GNA14: variants seen among roughly 807,000 people sequenced by gnomAD.
GNA14 encodes guanine nucleotide-binding protein subunit alpha-14.
Under a neutral mutation model 42.0 loss-of-function variants are expected in GNA14, and 50 were observed. The ratio of observed to expected loss-of-function variants is 1.19; its 90% CI spans 0.95 to 1.51. The LOEUF (loss-of-function observed/expected upper bound fraction) is 1.51, where lower values mean the gene tolerates loss of function less well. Ranked by LOEUF, GNA14 falls within the 40% of genes most tolerant of loss-of-function variation. GNA14 has a pLI of 0.00. For synonymous variants in GNA14, 173 were observed against 163.1 expected, an observed-to-expected ratio of 1.06 and a Z score of -0.46; for missense variants, 473 against 446.2, an observed-to-expected ratio of 1.06 and a Z score of -0.54.
intron 1 of GNA14, among the ~76,000 whole-genome samples, chr9:77,605,188 C>A (rs982289876): frequency 2.6e-5 from 4 of 152,220 alleles, no homozygotes; most frequent in Non-Finnish European, 5.9e-5. Flanking sequence ...AGCAGTGCTT[C>A]TTTATTGTCC....
intron 1 of GNA14, among the ~76,000 whole-genome samples, chr9:77,548,807 G>A (rs1207268737): frequency 6.6e-6 from 1 of 152,168 alleles, no homozygotes; most frequent in Non-Finnish European, 1.5e-5. Context: ...TTAAGCTTCT[G>A]CACCCATGTG....
At chr9:77,468,836 G>A (rs544919573) in intron 2 of GNA14, among the ~76,000 whole-genome samples, 3 of 152,314 alleles carry the variant, frequency 2.0e-5, no homozygotes, top group Admixed American at 1.3e-4. Context: ...GACATGTTGC[G>A]TGAGCAAGAA....
At chr9:77,580,567 A>G (rs962047135) in intron 1 of GNA14, 20 of 504,774 alleles carry the variant, frequency 4.0e-5, no homozygotes, top group African/African-American at 3.5e-4. Context: ...ATTAAAGAAT[A>G]TCAGTGAAGC....
intron 2 of GNA14, among the ~76,000 whole-genome samples, chr9:77,522,038 T>C (rs1359854448): frequency 1.3e-5 from 2 of 152,186 alleles, no homozygotes; most frequent in Non-Finnish European, 2.9e-5. Context: ...GGCTTCACCA[T>C]GTTGGCCAGG....
At chr9:77,529,709 G>C (rs1239426700) in intron 1 of GNA14, among the ~76,000 whole-genome samples, 3 of 152,164 alleles carry the variant, frequency 2.0e-5, no homozygotes, top group Non-Finnish European at 4.4e-5. Flanking sequence ...CCATTTCCCA[G>C]AGGTGCCAAA....
At chr9:77,510,605 A>G (rs902143756) in intron 2 of GNA14, among the ~76,000 whole-genome samples, 1 of 152,234 alleles carries the variant, frequency 6.6e-6, no homozygotes, top group Admixed American at 6.5e-5. Flanking sequence ...AGTACCCCAC[A>G]GTCCTTCCTG....
intron 2 of GNA14, among the ~76,000 whole-genome samples, chr9:77,488,784 T>TAAAAAAAAAAAAAAAAAAAA (rs67416479): frequency 9.3e-5 from 5 of 53,684 alleles, no homozygotes; most frequent in East Asian, 6.2e-4. Flanking sequence ...CACACCTAAT[T>TAAAAAAAAAAAAAAAAAAAA]AAAAAAAAAA....
chr9:77,483,606 A>T (rs564082973), intron 2 of GNA14, among the ~76,000 whole-genome samples: 13 of 152,322 alleles, frequency 8.5e-5, no homozygotes, highest in African/African-American at 3.1e-4. Context: ...GCTGTCACAC[A>T]GGGACATTTA....
At chr9:77,625,318 C>G (rs1823996419) in intron 1 of GNA14, among the ~76,000 whole-genome samples, 1 of 152,082 alleles carries the variant, frequency 6.6e-6, no homozygotes, top group African/African-American at 2.4e-5. Flanking sequence ...AATTGGAAAA[C>G]AGTCTTCAGG....
At position 77,506,101 on chromosome 9, in the gene GNA14, C is replaced by CA. The variant is rs200965790; in HGVS notation, c.309+22967dup. Among the ~76,000 whole-genome samples, 1,335 of 144,008 alleles carry CA rather than the reference C, an allele frequency of 9.3e-3. 7 individuals carry two copies. Among genetic ancestry groups the CA allele is most frequent in the Non-Finnish European group, 0.015 (985 of 65,530 alleles). 94.5% of individuals were successfully genotyped at this position (144,008 alleles called of 152,430 possible). On this transcript the variant is annotated intron_variant, in intron 2 of 6. Transcript: ENST00000341700. ...CCACACAGAGAGACCCCATCCTCTA[C>CA]AAAAAAAAAATAATTAAATCAACAA... is the stretch of plus-strand genomic sequence containing the variant.
intron 2 of GNA14, among the ~76,000 whole-genome samples, chr9:77,480,832 C>T (rs1348101021): frequency 2.0e-5 from 3 of 152,172 alleles, no homozygotes; most frequent in Admixed American, 1.3e-4. Flanking sequence ...AGTTTATTTG[C>T]ATAGAGGTGT....
chr9:77,499,377 T>C (rs1474176733), intron 2 of GNA14, among the ~76,000 whole-genome samples: 3 of 135,446 alleles, frequency 2.2e-5, no homozygotes, highest in Non-Finnish European at 4.6e-5. Context: ...CTTCATAGTT[T>C]ACAAATTGCT....
At chr9:77,526,064 G>C (rs1429186302) in intron 2 of GNA14, among the ~76,000 whole-genome samples, 1 of 148,252 alleles carries the variant, frequency 6.7e-6, no homozygotes, top group East Asian at 2.0e-4. Context: ...ATCACACCCG[G>C]CTAATTTTTG....
chr9:77,483,546 C>T (rs1434223696), intron 2 of GNA14, among the ~76,000 whole-genome samples: 2 of 152,100 alleles, frequency 1.3e-5, no homozygotes, highest in African/African-American at 2.4e-5. Flanking sequence ...GCAGTCTGCC[C>T]GTTCTCAGAT....
intron 1 of GNA14, among the ~76,000 whole-genome samples, chr9:77,646,906 C>T (rs1283551185): frequency 6.6e-6 from 1 of 152,172 alleles, no homozygotes; most frequent in Non-Finnish European, 1.5e-5. Context: ...ACCAAAAGAG[C>T]TGGATGAAGA....
intron 1 of GNA14, among the ~76,000 whole-genome samples, chr9:77,591,408 C>G (rs1427567099): frequency 6.6e-6 from 1 of 152,168 alleles, no homozygotes; most frequent in East Asian, 1.9e-4. Context: ...CTCTCATTCT[C>G]TCTCCCTCTT....
At chr9:77,627,952 G>A (rs1293897871) in intron 1 of GNA14, among the ~76,000 whole-genome samples, 1 of 152,146 alleles carries the variant, frequency 6.6e-6, no homozygotes, top group Non-Finnish European at 1.5e-5. Flanking sequence ...AAGTCAAATT[G>A]GCCCTGTTTG....
chr9:77,561,941 C>T (rs1822889799), intron 1 of GNA14, among the ~76,000 whole-genome samples: 1 of 152,210 alleles, frequency 6.6e-6, no homozygotes, highest in Non-Finnish European at 1.5e-5. Flanking sequence ...GGAAATCTCT[C>T]CTCTTTTGCT....
chr9:77,437,419 G>A (rs773058890), intron 2 of GNA14, among the ~76,000 whole-genome samples: 1 of 152,086 alleles, frequency 6.6e-6, no homozygotes, highest in Middle Eastern at 3.2e-3. Context: ...GGTGGTGCAT[G>A]CCTGTCATCC....
Sources: gnomAD v4.1 joint callset for allele counts (sites outside exome capture counted in the v4.1 genomes callset) on GRCh38, gnomAD v4.1.1 for gene constraint, MANE v1.5 for transcripts, NCBI Gene and HGNC (gene_info 2026-07-23, HGNC 2026-07-21) for gene names.